Variants in MACROD2 observed in about 807,000 individuals in gnomAD.
MACROD2 encodes mono-ADP ribosylhydrolase 2.
A neutral mutation model predicts 70.4 loss-of-function variants in MACROD2; 36 were observed. The ratio of observed to expected loss-of-function variants is 0.51; its 90% CI spans 0.39 to 0.68. The LOEUF is 0.68. Among genes scored for constraint, MACROD2 ranks in the 30% least tolerant of loss-of-function variants. MACROD2 has a pLI of 0.00. For missense variants in MACROD2, 496 were observed against 538.4 expected (o/e 0.92, Z 0.78); for synonymous variants, 172 against 178.8 (o/e 0.96, Z 0.30).
intron 5 of MACROD2, among the ~76,000 whole-genome samples, chr20:15,037,856 T>C (rs2075325847): frequency 1.3e-5 from 2 of 152,152 alleles, no homozygotes; most frequent in South Asian, 4.1e-4. Context: ...GACTAAGGGC[T>C]ACTGTTCTAT....
intron 3 of MACROD2, among the ~76,000 whole-genome samples, chr20:14,397,018 G>A (rs2083588828): frequency 8.6e-6 from 1 of 115,732 alleles, no homozygotes; most frequent in Non-Finnish European, 1.7e-5. Context: ...TAATTGAGAT[G>A]GAGTCTCGCT....
chr20:15,354,260 A>G (rs2078261080), intron 6 of MACROD2, among the ~76,000 whole-genome samples: 1 of 152,038 alleles, frequency 6.6e-6, no homozygotes, highest in Non-Finnish European at 1.5e-5. Context: ...ACAAAAAACC[A>G]AACACCACAC....
intron 5 of MACROD2, among the ~76,000 whole-genome samples, chr20:15,218,912 G>A (rs944447993): frequency 2.7e-4 from 41 of 152,210 alleles, no homozygotes; most frequent in African/African-American, 7.0e-4. Context: ...CAGGCGTGGC[G>A]GCGTGTGCCT....
chr20:15,063,428 G>C (rs1287539725), intron 5 of MACROD2, among the ~76,000 whole-genome samples: 2 of 152,178 alleles, frequency 1.3e-5, no homozygotes, highest in African/African-American at 4.8e-5. Flanking sequence ...ACCACATGCA[G>C]ATAGCACATG....
chr20:15,367,653 A>T (rs889652088), intron 6 of MACROD2, among the ~76,000 whole-genome samples: 1 of 152,066 alleles, frequency 6.6e-6, no homozygotes, highest in Non-Finnish European at 1.5e-5. Context: ...ATCTTCTCCT[A>T]TGAAAGCCCT....
chr20:15,025,660 C>T (rs2075224880), intron 5 of MACROD2, among the ~76,000 whole-genome samples: 7 of 152,114 alleles, frequency 4.6e-5, no homozygotes, highest in Admixed American at 4.6e-4. Flanking sequence ...TTCTCAGTTT[C>T]TGCACTGTGG....
At chr20:14,901,173 T>A (rs577213768) in intron 5 of MACROD2, among the ~76,000 whole-genome samples, 48 of 152,168 alleles carry the variant, frequency 3.2e-4, no homozygotes, top group Admixed American at 2.4e-3. Flanking sequence ...TATTTTAACT[T>A]TTACTTATAG....
At chr20:15,001,827 T>C (rs1056228105) in intron 5 of MACROD2, among the ~76,000 whole-genome samples, 5 of 152,036 alleles carry the variant, frequency 3.3e-5, no homozygotes, top group Non-Finnish European at 5.9e-5. Context: ...CAGTATACAC[T>C]CAACACAATT....
In MACROD2 at chr20:14,602,263, C is replaced by G. The variant is rs567322646; in HGVS notation, c.302-82580C>G. 1.6e-3 allele frequency among the ~76,000 whole-genome samples: 251 copies of G among 152,322 alleles called. 4 individuals carry two copies. Among genetic ancestry groups the G allele is most frequent in the Middle Eastern group, 3.4e-3 (1 of 294 alleles). Reference sequence around the variant, plus strand: ...CCTCCCTTGCATGAGGCACAAATTCCTGGTGGCTGCACCCTATCCTGAGGT... The same window carrying G: ...CCTCCCTTGCATGAGGCACAAATTCGTGGTGGCTGCACCCTATCCTGAGGT... On this transcript the variant is annotated intron_variant, in intron 4 of 17. Coordinates refer to ENST00000684519, the MANE Select transcript of MACROD2 (RefSeq NM_001351661.2).
chr20:15,349,246 T>C (rs1035865098), intron 6 of MACROD2, among the ~76,000 whole-genome samples: 14 of 152,202 alleles, frequency 9.2e-5, no homozygotes, highest in African/African-American at 3.4e-4. Flanking sequence ...CATAATCTTT[T>C]TTCAGTGTAT....
At chr20:14,927,015 T>C (rs6079611) in intron 5 of MACROD2, among the ~76,000 whole-genome samples, 12,980 of 152,238 alleles carry the variant, frequency 0.085, 886 homozygotes, top group Non-Finnish European at 0.11. Flanking sequence ...CCTTGCATTA[T>C]TGTGGGAGAA....
chr20:14,258,024 T>C (rs1485584194), intron 3 of MACROD2, among the ~76,000 whole-genome samples: 2 of 152,208 alleles, frequency 1.3e-5, no homozygotes, highest in Non-Finnish European at 2.9e-5. Context: ...CTTAGAATAA[T>C]GGTCTCCAAT....
chr20:15,856,585 A>G (rs925930272), intron 8 of MACROD2, among the ~76,000 whole-genome samples: 1 of 152,132 alleles, frequency 6.6e-6, no homozygotes, highest in Non-Finnish European at 1.5e-5. Context: ...TGTTTGTCTA[A>G]ACATATACTC....
intron 5 of MACROD2, among the ~76,000 whole-genome samples, chr20:14,926,963 T>C (rs1285711379): frequency 6.6e-6 from 1 of 152,208 alleles, no homozygotes; most frequent in Non-Finnish European, 1.5e-5. Flanking sequence ...TTCCAGTGAA[T>C]GTGGGTTTTA....
intron 3 of MACROD2, among the ~76,000 whole-genome samples, chr20:14,489,223 C>T (rs565831876): frequency 6.6e-6 from 1 of 152,312 alleles, no homozygotes; most frequent in East Asian, 1.9e-4. Context: ...CCCAAAATCT[C>T]CACCATTCTG....
chr20:15,284,726 T>G (rs923812759), intron 6 of MACROD2, among the ~76,000 whole-genome samples: 1 of 152,162 alleles, frequency 6.6e-6, no homozygotes, highest in Non-Finnish European at 1.5e-5. Flanking sequence ...GTTACTCCGA[T>G]AGAACGAAGT....
chr20:15,159,011 C>A (rs988055786), intron 5 of MACROD2, among the ~76,000 whole-genome samples: 2 of 152,094 alleles, frequency 1.3e-5, no homozygotes, highest in African/African-American at 4.8e-5. Context: ...ATCTGCAATA[C>A]ATTGTGTTTC....
chr20:15,258,566 C>T (rs746544218), intron 6 of MACROD2, among the ~76,000 whole-genome samples: 7 of 152,000 alleles, frequency 4.6e-5, no homozygotes, highest in Non-Finnish European at 8.8e-5. Flanking sequence ...TACCATACAG[C>T]CTAGGTATGT....
intron 15 of MACROD2, among the ~76,000 whole-genome samples, chr20:16,014,696 G>A (rs546382228): frequency 6.6e-6 from 1 of 152,296 alleles, no homozygotes; most frequent in East Asian, 1.9e-4. Flanking sequence ...CATCTGCTGT[G>A]GTTTCAATAC....
Sources: allele counts gnomAD v4.1 joint callset (sites outside exome capture counted in the v4.1 genomes callset), GRCh38; gene constraint gnomAD v4.1.1; transcripts MANE v1.5; gene names NCBI Gene and HGNC (gene_info 2026-07-23, HGNC 2026-07-21).